Variants in KCNH7 observed in about 807,000 individuals in gnomAD.
KCNH7 encodes the protein voltage-gated inwardly rectifying potassium channel KCNH7.
In KCNH7, 49 loss-of-function variants were observed where a neutral mutation model predicts 120.8. The observed-to-expected ratio is 0.41, with a 90% confidence interval of 0.32 to 0.51. The LOEUF (loss-of-function observed/expected upper bound fraction) is 0.51, where lower values mean the gene tolerates loss of function less well. KCNH7 is among the 20% of genes least tolerant of loss of function. The pLI is 0.38. For missense variants in KCNH7, 1,097 were observed against 1,446.6 expected (o/e 0.76, Z 3.92); for synonymous variants, 547 against 516.1 (o/e 1.06, Z -0.81).
chr2:162,758,009 TA>T (rs1470866304), intron 2 of KCNH7, among the ~76,000 whole-genome samples: 1 of 152,138 alleles, frequency 6.6e-6, no homozygotes, highest in Non-Finnish European at 1.5e-5. Context: ...TATCAACTCT[TA>T]AAGGAGATTT....
intron 2 of KCNH7, among the ~76,000 whole-genome samples, chr2:162,678,390 G>A (rs1213941968): frequency 6.6e-6 from 1 of 151,362 alleles, no homozygotes; most frequent in East Asian, 1.9e-4. Flanking sequence ...ACTAGATGGA[G>A]CTCAAAATCC....
At chr2:162,486,633 C>A (rs1690103088) in intron 6 of KCNH7, among the ~76,000 whole-genome samples, 1 of 152,066 alleles carries the variant, frequency 6.6e-6, no homozygotes, top group South Asian at 2.1e-4. Flanking sequence ...CACTATTACC[C>A]CATGTCTATC....
At chr2:162,539,897 T>C (rs900982505) in intron 2 of KCNH7, among the ~76,000 whole-genome samples, 2 of 152,122 alleles carry the variant, frequency 1.3e-5, no homozygotes, top group African/African-American at 4.8e-5. Context: ...GAATAGAATA[T>C]ATTTTATAGA....
intron 9 of KCNH7, among the ~76,000 whole-genome samples, chr2:162,413,095 T>C (rs1343580737): frequency 4.7e-4 from 71 of 152,088 alleles, no homozygotes; most frequent in Admixed American, 4.7e-3. Context: ...TTACCAGATA[T>C]TAAAATATTA....
In KCNH7 at chr2:162,466,419, G is replaced by A. The variant is rs149124078; in HGVS notation, c.1129-19976C>T. 2.7e-3 allele frequency among the ~76,000 whole-genome samples: 416 copies of A among 152,286 alleles called. 4 individuals are homozygous for A. Among genetic ancestry groups the A allele is most frequent in the African/African-American group, 9.6e-3 (397 of 41,552 alleles). ...GTCCTTCTACACATGGCGGCAGGAC[G>A]GAGAAGTGCCAATCAAAGGGGGAAA... On this transcript the variant is annotated intron_variant, in intron 6 of 15. Coordinates refer to ENST00000332142, the MANE Select transcript of KCNH7 (RefSeq NM_033272.4).
intron 2 of KCNH7, among the ~76,000 whole-genome samples, chr2:162,670,492 A>AAAAAAAAAAAAAAG (rs1553511726): frequency 6.9e-6 from 1 of 144,862 alleles, no homozygotes; most frequent in Admixed American, 6.8e-5. Flanking sequence ...AAAAAAAAAA[A>AAAAAAAAAAAAAAG]GAAAAATATT....
chr2:162,395,826 T>A (rs1367422232), intron 11 of KCNH7, among the ~76,000 whole-genome samples: 1 of 151,754 alleles, frequency 6.6e-6, no homozygotes, highest in East Asian at 1.9e-4. Flanking sequence ...TGGGAATGTC[T>A]ATAACTACAG....
intron 6 of KCNH7, among the ~76,000 whole-genome samples, chr2:162,457,480 G>T (rs938576138): frequency 9.2e-5 from 14 of 152,078 alleles, no homozygotes; most frequent in African/African-American, 3.4e-4. Context: ...CTTCATGCTA[G>T]TACACTGCTA....
At chr2:162,477,354 G>A (rs1346841724) in intron 6 of KCNH7, among the ~76,000 whole-genome samples, 1 of 152,196 alleles carries the variant, frequency 6.6e-6, no homozygotes, top group African/African-American at 2.4e-5. Flanking sequence ...CAAGACCCAG[G>A]GCTTCTGGAG....
At position 162,542,161 on chromosome 2, in the gene KCNH7, T is replaced by C. The variant is rs932910420; in HGVS notation, c.308-5081A>G. Among the ~76,000 whole-genome samples the C allele has an allele frequency of 7.5e-5, 11 of 147,480 alleles. 1 individual carries two copies. The East Asian group carries it at 9.8e-4, about 13-fold the overall frequency. The stretch of plus-strand genomic sequence containing the variant: ...TAGAAAGACTATTCTATATCTCTCT[T>C]TTTTTTTTTACTATTTACTTAGGTT... On this transcript the variant is annotated intron_variant, in intron 2 of 15. Transcript: ENST00000332142.
At chr2:162,748,219 C>T (rs1688382676) in intron 2 of KCNH7, among the ~76,000 whole-genome samples, 1 of 152,186 alleles carries the variant, frequency 6.6e-6, no homozygotes, top group South Asian at 2.1e-4. Flanking sequence ...CAATATAGAA[C>T]TCTTTGTACC....
chr2:162,550,771 T>C (rs1242881516), intron 2 of KCNH7, among the ~76,000 whole-genome samples: 5 of 151,952 alleles, frequency 3.3e-5, no homozygotes, highest in South Asian at 2.1e-4. Context: ...AGAAAGTAAA[T>C]GGAATTTTGG....
At chr2:162,764,855 A>G (rs1423548399) in intron 2 of KCNH7, among the ~76,000 whole-genome samples, 5 of 152,206 alleles carry the variant, frequency 3.3e-5, no homozygotes, top group Non-Finnish European at 5.9e-5. Flanking sequence ...TAGCCAAAAT[A>G]AATTTACTTT....
chr2:162,614,743 T>C (rs1273191143), intron 2 of KCNH7, among the ~76,000 whole-genome samples: 3 of 149,152 alleles, frequency 2.0e-5, no homozygotes, highest in Non-Finnish European at 4.4e-5. Context: ...TAGTGAAGTA[T>C]AAAACATGAC....
intron 2 of KCNH7, among the ~76,000 whole-genome samples, chr2:162,543,434 T>C (rs1015096801): frequency 6.6e-6 from 1 of 152,102 alleles, no homozygotes; most frequent in Non-Finnish European, 1.5e-5. Flanking sequence ...AGATTATATA[T>C]ATTTACCTGT....
intron 6 of KCNH7, among the ~76,000 whole-genome samples, chr2:162,492,475 C>T (rs1206497088): frequency 1.3e-5 from 2 of 150,584 alleles, no homozygotes; most frequent in African/African-American, 5.0e-5. Context: ...TGAGTACTTT[C>T]TGGTTAATAC....
At chr2:162,420,573 G>T (rs573389937) in intron 9 of KCNH7, among the ~76,000 whole-genome samples, 11 of 152,252 alleles carry the variant, frequency 7.2e-5, no homozygotes, top group African/African-American at 2.4e-4. Flanking sequence ...AGCAAAAGAT[G>T]CAGGGATTAA....
chr2:162,627,376 G>A (rs1458509695), intron 2 of KCNH7, among the ~76,000 whole-genome samples: 1 of 152,090 alleles, frequency 6.6e-6, no homozygotes, highest in Non-Finnish European at 1.5e-5. Context: ...TTAAATATAT[G>A]AAAAAATTGA....
At chr2:162,625,730 T>G (rs1162164980) in intron 2 of KCNH7, among the ~76,000 whole-genome samples, 1 of 152,106 alleles carries the variant, frequency 6.6e-6, no homozygotes, top group Non-Finnish European at 1.5e-5. Context: ...GCCGCAGCGT[T>G]GGGGATTACA....
Sources: allele counts gnomAD v4.1 joint callset (sites outside exome capture counted in the v4.1 genomes callset), GRCh38; gene constraint gnomAD v4.1.1; transcripts MANE v1.5; gene names NCBI Gene and HGNC (gene_info 2026-07-23, HGNC 2026-07-21).